The following GREB1 variants were observed in gnomAD, a reference collection of about 807,000 sequenced individuals.
GREB1 encodes the protein growth regulating estrogen receptor binding 1.
Under a neutral mutation model 200.7 loss-of-function variants are expected in GREB1, and 106 were observed. The ratio of observed to expected loss-of-function variants is 0.53; its 90% confidence interval spans 0.45 to 0.62. The LOEUF (loss-of-function observed/expected upper bound fraction) is 0.62, where lower values mean the gene tolerates loss of function less well. GREB1 is among the 20% of genes least tolerant of loss of function. The pLI is 0.00. For missense variants in GREB1, 2,243 were observed against 2,556.8 expected (o/e 0.88, Z 2.65); for synonymous variants, 1,132 against 1,092.4 (o/e 1.04, Z -0.72).
At chr2:11,525,618 A>C (rs1673847680) in intron 1 of GREB1, among the ~76,000 whole-genome samples, 1 of 151,932 alleles carries the variant, frequency 6.6e-6, no homozygotes, top group Non-Finnish European at 1.5e-5. Context: ...ATGGGAGGCT[A>C]TTCTCACACA....
intron 14 of GREB1, 97 bp from the exon 15 acceptor site, chr2:11,598,583 G>A: frequency 9.5e-7 from 1 of 1,048,116 alleles, no homozygotes; most frequent in Non-Finnish European, 1.4e-6. Flanking sequence ...TCTAGCTCAG[G>A]ACCTGCTGTG....
At chr2:11,535,116 AG>A (rs1305889367) in intron 1 of GREB1, among the ~76,000 whole-genome samples, 158 of 152,270 alleles carry the variant, frequency 1.0e-3, no homozygotes, top group African/African-American at 3.7e-3. Flanking sequence ...TGGGAGGTAG[AG>A]GAGCTACCTG....
Position 11,615,222 on chromosome 2 carries a change from A to G in GREB1, c.3254A>G (p.Glu1085Gly). ...CCCTTGGAGAAGGGGGCTAGGAACG[A>G]GGCCTTGGAGAGTGATGCTGAGAAG... ...EVPLEKGARN[E>G]ALESDAEKLS... Residue 1085 changes from glutamate (E) to glycine (G), a missense_variant, in exon 20 of 33, where the codon GAG becomes GGG. Transcript: ENST00000381486. The G allele has an allele frequency of 6.2e-7, 1 of 1,613,522 alleles. No individual in the cohort carries two copies. Among genetic ancestry groups the G allele is most frequent in the South Asian group, 1.1e-5 (1 of 90,926 alleles).
intron 21 of GREB1, among the ~76,000 whole-genome samples, chr2:11,617,996 T>A (rs1341075818): frequency 6.9e-6 from 1 of 145,752 alleles, no homozygotes; most frequent in Non-Finnish European, 1.5e-5. Context: ...CCCTGCCTCA[T>A]AGGCAGGAGC....
chr2:11,612,543 G>A lies in GREB1; in HGVS notation c.3055G>A (p.Glu1019Lys). 1 of 1,613,162 alleles carries A rather than the reference G, an allele frequency of 6.2e-7. No individual in the cohort carries two copies. The highest frequency in any genetic ancestry group is 8.5e-7 in the Non-Finnish European group (1 of 1,179,786). The change falls in exon 19 of 33, where the codon GAG becomes AAG. Residue 1019 changes from glutamate (E) to lysine (K), a missense_variant. Physicochemically the swap from Glu to Lys is moderately conservative, Grantham distance 56 (BLOSUM62 1). This residue lies in a region of GREB1 where 1,178 missense variants were observed against 1,387.4 expected (regional missense o/e 0.85). Transcript: ENST00000381486. ...GGAGTGGAGACCCCAGACTTACTTG[G>A]AGCTGGAGGGTCTGCCTTGCATCCT... ...DVEWRPQTYL[E>K]LEGLPCILIF...
At chr2:11,545,081 T>C (rs1183515566) in intron 1 of GREB1, among the ~76,000 whole-genome samples, 1 of 148,022 alleles carries the variant, frequency 6.8e-6, no homozygotes, top group African/African-American at 2.5e-5. Flanking sequence ...TCACAAAGTG[T>C]TGGGATTACA....
rs554472645 is a variant in GREB1 at position 11,602,295 on chromosome 2, C to T, written c.2530-111C>T. ...GCCATCCAAGCCACTGCACAGTGGGCACGATTTGGATGAAGTTGCCAACCC... is the reference window on the plus strand; with the variant it reads ...GCCATCCAAGCCACTGCACAGTGGGTACGATTTGGATGAAGTTGCCAACCC... On this transcript the variant is annotated intron_variant, in intron 16 of 32. Coordinates refer to ENST00000381486, the MANE Select transcript of GREB1 (RefSeq NM_014668.4). The T allele has an allele frequency of 1.0e-5, 9 of 872,076 alleles. No individual in the cohort carries two copies. The African/African-American group carries it at 1.5e-4, about 14-fold the overall frequency. 54.0% of individuals were successfully genotyped at this position (872,076 alleles called of 1,614,324 possible). A position where few individuals can be genotyped will look rare whatever the true frequency, so the allele number is the denominator to read the frequency against.
intron 1 of GREB1, among the ~76,000 whole-genome samples, chr2:11,556,086 G>A (rs886427641): frequency 6.6e-6 from 1 of 152,194 alleles, no homozygotes; most frequent in African/African-American, 2.4e-5. Context: ...AAGGAAGAAT[G>A]AGAATAATCA....
chr2:11,624,955 T>C (rs1684319668), intron 23 of GREB1, among the ~76,000 whole-genome samples, 199 bp from the exon 24 acceptor site: 1 of 152,152 alleles, frequency 6.6e-6, no homozygotes, highest in Non-Finnish European at 1.5e-5. Context: ...CCAAGACCAG[T>C]AGGCTACACC....
rs1359493539 is a variant in GREB1 at position 11,610,835 on chromosome 2, C to G, written c.2814C>G (p.Ser938=). 5 of 1,613,428 alleles carry G rather than the reference C, an allele frequency of 3.1e-6. No individual in the cohort carries two copies. The Middle Eastern group carries it at 4.9e-4, about 160-fold the overall frequency. ...AGATCACGCAGAACCTCCTCAACTC[C>G]CCGAAGCAGTGCCCCTGCGGCCACG... ...TLEITQNLLN[S]PKQCPCGHGL... Residue 938 remains serine, a synonymous_variant, in exon 18 of 33, where the codon TCC becomes TCG. Coordinates refer to ENST00000381486, the MANE Select transcript of GREB1 (RefSeq NM_014668.4).
Position 11,618,865 on chromosome 2 carries a change from G to A in GREB1, c.3990G>A (p.Glu1330=), listed in dbSNP as rs749361986. The A allele has an allele frequency of 1.4e-4, 228 of 1,582,702 alleles. No homozygotes were observed. Among genetic ancestry groups the A allele is most frequent in the Middle Eastern group, 1.7e-4 (1 of 6,006 alleles). ...PSHMDYGNRA[E]GRVDGFHPRR... ...ACATGGACTACGGCAACCGGGCCGAGGGCCGCGTGGACGGCTTCCACCCCC... is the reference window on the plus strand; with the variant it reads ...ACATGGACTACGGCAACCGGGCCGAAGGCCGCGTGGACGGCTTCCACCCCC... Residue 1330 remains glutamate (E), a synonymous_variant, in exon 22 of 33, where the codon GAG becomes GAA. Coordinates refer to ENST00000381486, the MANE Select transcript of GREB1 (RefSeq NM_014668.4).
chr2:11,620,267 A>C (rs986053912), intron 22 of GREB1, among the ~76,000 whole-genome samples: 11 of 152,096 alleles, frequency 7.2e-5, no homozygotes, highest in African/African-American at 2.7e-4. Flanking sequence ...GAGCCAGGAA[A>C]CCCACGCCTG....
At position 11,629,751 on chromosome 2, in the gene GREB1, G is replaced by A. The variant is rs1464290749; in HGVS notation, c.4450-197G>A. Among the ~76,000 whole-genome samples the A allele has an allele frequency of 6.6e-6, 1 of 152,156 alleles. No homozygotes were observed. Among genetic ancestry groups the A allele is most frequent in the African/African-American group, 2.4e-5 (1 of 41,426 alleles). On this transcript the variant is annotated intron_variant, in intron 25 of 32. Coordinates refer to ENST00000381486, the MANE Select transcript of GREB1 (RefSeq NM_014668.4). The surrounding 1 kb of genome is among the most constrained non-coding windows in gnomAD (Gnocchi z 5.2). ...ATGGGAGCAGGCTCTCGTCGTGGGT[G>A]TGTGGCCTCGGGCGTGCTTGCCCTG...
intron 1 of GREB1, among the ~76,000 whole-genome samples, chr2:11,536,500 A>C (rs1278504993): frequency 1.3e-5 from 2 of 152,230 alleles, no homozygotes; most frequent in Non-Finnish European, 2.9e-5. Context: ...ACTCCTAGCC[A>C]TTGTGGCCAA....
intron 1 of GREB1, among the ~76,000 whole-genome samples, chr2:11,547,963 C>A (rs2147794959): frequency 6.6e-6 from 1 of 152,250 alleles, no homozygotes; most frequent in South Asian, 2.1e-4. Context: ...GGTAGAATTT[C>A]TTGAGCCGAG....
intron 12 of GREB1, 74 bp downstream of exon 12, chr2:11,595,453 T>G: frequency 2.1e-6 from 3 of 1,453,828 alleles, no homozygotes; most frequent in Non-Finnish European, 2.8e-6. Context: ...AGGTCATCTC[T>G]GCCTCACCCT....
chr2:11,570,979 A>G (rs1393827377), intron 4 of GREB1, among the ~76,000 whole-genome samples: 1 of 152,056 alleles, frequency 6.6e-6, no homozygotes, highest in African/African-American at 2.4e-5. Flanking sequence ...CCCCAACACA[A>G]GGAGGTCATT....
At chr2:11,528,592 C>G (rs1361819394) in intron 1 of GREB1, among the ~76,000 whole-genome samples, 1 of 152,180 alleles carries the variant, frequency 6.6e-6, no homozygotes, top group East Asian at 1.9e-4. Context: ...GTCTTGAACT[C>G]CCAGGCTTAA....
At chr2:11,562,723 A>G (rs1338581848) in intron 3 of GREB1, 141 bp downstream of exon 3, 1 of 1,020,230 alleles carries the variant, frequency 9.8e-7, no homozygotes, top group Admixed American at 3.0e-5. Context: ...GGTGTGAGCC[A>G]TGCCCCTGGG....
Sources: gnomAD v4.1 joint callset for allele counts (sites outside exome capture counted in the v4.1 genomes callset) on GRCh38, gnomAD v4.1.1 for gene constraint, gnomAD v4.1.1 regional missense constraint, Gnocchi (gnomAD v3.1) non-coding constraint, MANE v1.5 for transcripts, NCBI Gene and HGNC (gene_info 2026-07-23, HGNC 2026-07-21) for gene names.